Variants in PRKG1 observed in about 807,000 individuals in gnomAD.
PRKG1 encodes the protein protein kinase cGMP-dependent 1.
PRKG1 carries 35 observed loss-of-function variants against 88.1 expected under a neutral mutation model. The observed-to-expected ratio is 0.40, with a 90% confidence interval of 0.30 to 0.53. The LOEUF is 0.53. Among genes scored for constraint, PRKG1 ranks in the 20% least tolerant of loss-of-function variants. PRKG1 has a pLI of 0.59. For missense variants in PRKG1, 540 were observed against 839.8 expected, an observed-to-expected ratio of 0.64 and a Z score of 4.41; for synonymous variants, 303 against 292.5, an observed-to-expected ratio of 1.04 and a Z score of -0.37.
chr10:51,435,889 G>T (rs2132735618), intron 2 of PRKG1, among the ~76,000 whole-genome samples: 1 of 152,012 alleles, frequency 6.6e-6, no homozygotes, highest in African/African-American at 2.4e-5. Flanking sequence ...TCTCTTCTTG[G>T]TCCCGAGTAT....
rs112106276 is a variant in PRKG1 at position 52,077,922 on chromosome 10, T to C, written c.935+15291T>C. 9.3e-3 allele frequency among the ~76,000 whole-genome samples: 1,413 copies of C among 152,188 alleles called. 24 individuals carry two copies. Among genetic ancestry groups the C allele is most frequent in the African/African-American group, 0.032 (1,310 of 41,524 alleles). On this transcript the variant is annotated intron_variant, in intron 7 of 17. Transcript: ENST00000373980. ...ATAACTCGAACCATGCAAGCAGGGA[T>C]AGGCAAAAGGGTCTTGTCTTTGAGA... is the stretch of plus-strand genomic sequence containing the variant.
At chr10:51,615,757 CT>C (rs112046698) in intron 3 of PRKG1, among the ~76,000 whole-genome samples, 1,805 of 151,722 alleles carry the variant, frequency 0.012, 21 homozygotes, top group Middle Eastern at 0.031. Flanking sequence ...CAGTATTCCC[CT>C]GTATCTCACC....
At chr10:51,643,510 T>A (rs985678209) in intron 3 of PRKG1, among the ~76,000 whole-genome samples, 1 of 152,210 alleles carries the variant, frequency 6.6e-6, no homozygotes, top group African/African-American at 2.4e-5. Context: ...TCTTATACAT[T>A]GGCAGCTTTT....
intron 1 of PRKG1, among the ~76,000 whole-genome samples, chr10:51,096,025 T>C (rs909686553): frequency 1.3e-5 from 2 of 152,202 alleles, no homozygotes; most frequent in Non-Finnish European, 2.9e-5. Flanking sequence ...TTATGTGTTA[T>C]ATGCTCCCAT....
chr10:52,228,103 G>A (rs937917331), intron 9 of PRKG1, among the ~76,000 whole-genome samples: 3 of 152,106 alleles, frequency 2.0e-5, no homozygotes, highest in Non-Finnish European at 4.4e-5. Flanking sequence ...TTTGAAGGTC[G>A]AGTGTGGGTA....
At chr10:51,941,986 C>G (rs1369785102) in intron 5 of PRKG1, among the ~76,000 whole-genome samples, 1 of 152,010 alleles carries the variant, frequency 6.6e-6, no homozygotes, top group African/African-American at 2.4e-5. Context: ...ATGGCTGGGT[C>G]AAATGGTATT....
chr10:51,750,471 T>C (rs899041848), intron 3 of PRKG1, among the ~76,000 whole-genome samples: 14 of 152,366 alleles, frequency 9.2e-5, no homozygotes, highest in Admixed American at 2.6e-4. Flanking sequence ...TTACTATTCA[T>C]TTAAAACATT....
intron 3 of PRKG1, among the ~76,000 whole-genome samples, chr10:51,613,006 TG>T (rs1435250303): frequency 6.6e-6 from 1 of 152,070 alleles, no homozygotes. Context: ...GATGTGATGT[TG>T]GATTTGGTTT....
chr10:52,096,602 CT>C (rs1847178901), intron 7 of PRKG1, among the ~76,000 whole-genome samples: 1 of 152,178 alleles, frequency 6.6e-6, no homozygotes, highest in Non-Finnish European at 1.5e-5. Flanking sequence ...TTTAAGTAGA[CT>C]GCAGTTAGCG....
chr10:51,311,230 T>C (rs1048391649), intron 2 of PRKG1, among the ~76,000 whole-genome samples: 1 of 152,176 alleles, frequency 6.6e-6, no homozygotes, highest in Admixed American at 6.6e-5. Flanking sequence ...TGAGGGTGTT[T>C]ATTACATACT....
chr10:51,447,505 A>T (rs1239869852), intron 2 of PRKG1, among the ~76,000 whole-genome samples: 1 of 152,046 alleles, frequency 6.6e-6, no homozygotes, highest in African/African-American at 2.4e-5. Context: ...GAAATATTAC[A>T]CTAAACTGCT....
At chr10:52,133,692 A>AT (rs1564483538) in intron 7 of PRKG1, 148 bp from the exon 8 acceptor site, 1 of 593,534 alleles carries the variant, frequency 1.7e-6, no homozygotes, top group African/African-American at 1.9e-5. Flanking sequence ...CTCAAAAAAA[A>AT]TTTTGAAACA....
At chr10:51,956,651 T>G (rs1483936515) in intron 5 of PRKG1, among the ~76,000 whole-genome samples, 2 of 152,136 alleles carry the variant, frequency 1.3e-5, no homozygotes, top group Non-Finnish European at 2.9e-5. Flanking sequence ...AGTTGTTTTA[T>G]TTGAAACTAC....
At chr10:51,357,840 G>A (rs1229646014) in intron 2 of PRKG1, among the ~76,000 whole-genome samples, 1 of 151,794 alleles carries the variant, frequency 6.6e-6, no homozygotes, top group Non-Finnish European at 1.5e-5. Flanking sequence ...AAAAACTCTT[G>A]AAATATGCTT....
At chr10:51,004,145 A>G (rs1842917776) in intron 1 of PRKG1, among the ~76,000 whole-genome samples, 1 of 152,146 alleles carries the variant, frequency 6.6e-6, no homozygotes, top group African/African-American at 2.4e-5. Flanking sequence ...ATATGAGATA[A>G]ATGATCTATA....
chr10:52,157,276 A>G (rs1449268802), intron 8 of PRKG1, among the ~76,000 whole-genome samples: 1 of 144,990 alleles, frequency 6.9e-6, no homozygotes, highest in African/African-American at 2.5e-5. Flanking sequence ...ATACACATAT[A>G]TACATATATA....
intron 2 of PRKG1, among the ~76,000 whole-genome samples, chr10:51,196,670 A>C (rs951334785): frequency 6.6e-6 from 1 of 152,196 alleles, no homozygotes; most frequent in Non-Finnish European, 1.5e-5. Context: ...TAGAAGAAAA[A>C]TGACCTGAAA....
At chr10:52,115,254 ATTCT>A (rs1847659777) in intron 7 of PRKG1, among the ~76,000 whole-genome samples, 1 of 151,878 alleles carries the variant, frequency 6.6e-6, no homozygotes, top group South Asian at 2.1e-4. Flanking sequence ...TTTTTAATTC[ATTCT>A]TTCTCCCTTC....
intron 2 of PRKG1, among the ~76,000 whole-genome samples, chr10:51,399,713 T>C (rs1837682346): frequency 6.6e-6 from 1 of 152,210 alleles, no homozygotes; most frequent in African/African-American, 2.4e-5. Context: ...ATTTTTGAGA[T>C]GGAGTTTGTG....
Sources: gnomAD v4.1 joint callset for allele counts (sites outside exome capture counted in the v4.1 genomes callset) on GRCh38, gnomAD v4.1.1 for gene constraint, MANE v1.5 for transcripts, NCBI Gene and HGNC (gene_info 2026-07-23, HGNC 2026-07-21) for gene names.